Variants in WIPF3 observed in about 807,000 individuals in gnomAD.
The protein encoded by WIPF3 is WAS/WASL interacting protein family member 3.
A neutral mutation model predicts 38.9 loss-of-function variants in WIPF3; 33 were observed. The observed-to-expected ratio is 0.85, with a 90% CI of 0.64 to 1.14. The LOEUF (loss-of-function observed/expected upper bound fraction) is 1.14, where lower values mean the gene tolerates loss of function less well. Ranked by LOEUF, WIPF3 falls within the 50% of genes most tolerant of loss-of-function variation. The pLI, the probability that WIPF3 is intolerant of heterozygous loss-of-function variation, is 0.00. For synonymous variants in WIPF3, 324 were observed against 269.3 expected (o/e 1.20, Z -1.99); for missense variants, 711 against 652.5 (o/e 1.09, Z -0.98).
At position 29,844,111 on chromosome 7, in the gene WIPF3, A is replaced by G. The variant is rs1341027564; in HGVS notation, c.90+9297A>G. 6.6e-6 allele frequency among the ~76,000 whole-genome samples: 1 copy of G among 152,160 alleles called. No homozygotes were observed. Among genetic ancestry groups the G allele is most frequent in the East Asian group, 1.9e-4 (1 of 5,152 alleles). On this transcript the variant is annotated intron_variant, in intron 2 of 8. Coordinates refer to ENST00000242140, the MANE Select transcript of WIPF3 (RefSeq NM_001080529.3). This position sits in a 1 kb window ranked among gnomAD's most constrained non-coding sequence, Gnocchi z 4.8. ...TGTAGTCCCAATTACGTAAAAGAAA[A>G]CTGTGTGTGCACAGGCTTGCCTATG...
In WIPF3 at chr7:29,817,938, T is replaced by C. The variant is rs944478316; in HGVS notation, c.-58+11260T>C. 2.6e-5 allele frequency among the ~76,000 whole-genome samples: 4 copies of C among 152,216 alleles called. No individual in the cohort carries two copies. In the East Asian group the frequency reaches 7.7e-4, roughly 29 times the overall value. On this transcript the variant is annotated intron_variant, in intron 1 of 8. Transcript: ENST00000242140. ...TTCCTACCCAAGACTATAGTGTGTT[T>C]TTCCACGTCTTCACTGTTTCTCAGT... is the stretch of plus-strand genomic sequence containing the variant.
At chr7:29,907,683 C>G (rs957420517) in intron 8 of WIPF3, among the ~76,000 whole-genome samples, 7 of 152,216 alleles carry the variant, frequency 4.6e-5, no homozygotes, top group African/African-American at 1.7e-4. Flanking sequence ...AAGGCACCAT[C>G]TAGCAGACAG....
At chr7:29,908,960 C>T (rs1786454066) in intron 8 of WIPF3, among the ~76,000 whole-genome samples, 1 of 147,774 alleles carries the variant, frequency 6.8e-6, no homozygotes, top group African/African-American at 2.5e-5. Flanking sequence ...TTTCCTAGCA[C>T]AGTGGAATAA....
chr7:29,898,620 C>T (rs1192079887), intron 7 of WIPF3, among the ~76,000 whole-genome samples: 1 of 152,176 alleles, frequency 6.6e-6, no homozygotes, highest in Non-Finnish European at 1.5e-5. Flanking sequence ...TCTCCTCCTA[C>T]CTCATTGTGC....
chr7:29,884,095 G>A lies in WIPF3; in HGVS notation c.601G>A (p.Val201Met), dbSNP rs1192429579. The A allele has an allele frequency of 7.0e-7, 1 of 1,431,616 alleles. No homozygotes were observed. Among genetic ancestry groups the A allele is most frequent in the Admixed American group, 2.5e-5 (1 of 39,454 alleles). 88.7% of individuals were successfully genotyped at this position (1,431,616 alleles called of 1,614,324 possible). The change falls in exon 5 of 9, where the codon GTG becomes ATG. Residue 201 changes from valine to methionine, a missense_variant. Val to Met is a conservative substitution (Grantham distance 21). Transcript: ENST00000242140. ...TTCCTCCCCCATCAAAACTCCGCTT[G>A]TGTCCCCACCCGGCCCACTGACCAA... ...PSSSPIKTPLVSPPGPLTKGN... is the reference protein window; with the variant it reads ...PSSSPIKTPLMSPPGPLTKGN...
At chr7:29,906,393 A>T (rs900762347) in intron 8 of WIPF3, among the ~76,000 whole-genome samples, 2 of 152,214 alleles carry the variant, frequency 1.3e-5, no homozygotes, top group Non-Finnish European at 1.5e-5. Context: ...AAATGAAATG[A>T]AAAATTTACT....
At chr7:29,854,773 A>AC (rs1164856890) in intron 2 of WIPF3, among the ~76,000 whole-genome samples, 1 of 152,094 alleles carries the variant, frequency 6.6e-6, no homozygotes, top group Non-Finnish European at 1.5e-5. Flanking sequence ...CGAAATCCTA[A>AC]CCCCCAGTGC....
intron 5 of WIPF3, among the ~76,000 whole-genome samples, chr7:29,886,733 C>T (rs1004139487): frequency 2.6e-5 from 4 of 152,144 alleles, no homozygotes; most frequent in East Asian, 1.9e-4. Context: ...TGGAAACTCA[C>T]ACCACTTGGG....
intron 5 of WIPF3, among the ~76,000 whole-genome samples, chr7:29,884,905 G>A (rs1207651715): frequency 6.6e-6 from 1 of 152,194 alleles, no homozygotes; most frequent in African/African-American, 2.4e-5. Context: ...GAGTTCTTAG[G>A]TTTGAGGTGC....
chr7:29,874,684 T>G (rs1490498453), intron 2 of WIPF3, among the ~76,000 whole-genome samples: 2 of 152,160 alleles, frequency 1.3e-5, no homozygotes, highest in Admixed American at 6.5e-5. Flanking sequence ...GGGCAACCCC[T>G]TCCCTCCTTT....
Position 29,884,142 on chromosome 7 carries a change from A to AC in WIPF3, c.654dup (p.Val219ArgfsTer26), listed in dbSNP as rs755240227. On this transcript the variant is annotated frameshift_variant, in exon 5 of 9. Coordinates refer to ENST00000242140, the MANE Select transcript of WIPF3 (RefSeq NM_001080529.3). LOFTEE classifies it high-confidence loss of function. ...CCAAAGGGAACCTCCCGGTGGTTGCACCCCCCGTCCCCTGTGCGCCACCAC... is the reference window on the plus strand; with the variant it reads ...CCAAAGGGAACCTCCCGGTGGTTGCACCCCCCCGTCCCCTGTGCGCCACCAC... 2.5e-5 allele frequency: 37 copies of AC among 1,465,934 alleles called. No individual in the cohort carries two copies. Among genetic ancestry groups the AC allele is most frequent in the Non-Finnish European group, 3.1e-5 (34 of 1,106,348 alleles). 90.8% of individuals were successfully genotyped at this position (1,465,934 alleles called of 1,614,324 possible).
At chr7:29,904,963 T>C (rs1172309473) in intron 8 of WIPF3, 1 of 152,468 alleles carries the variant, frequency 6.6e-6, no homozygotes, top group African/African-American at 2.4e-5. Flanking sequence ...TCCCTGCACA[T>C]GACAGGGTCT....
chr7:29,815,033 C>T (rs984867440), intron 1 of WIPF3, among the ~76,000 whole-genome samples: 1 of 152,150 alleles, frequency 6.6e-6, no homozygotes, highest in Non-Finnish European at 1.5e-5. Flanking sequence ...TTTAAGTCTC[C>T]GATGTCCCTT....
chr7:29,882,757 G>C (rs1405547703), intron 4 of WIPF3, among the ~76,000 whole-genome samples: 6 of 152,220 alleles, frequency 3.9e-5, no homozygotes, highest in African/African-American at 1.2e-4. Flanking sequence ...CCAGGAAGTA[G>C]TGGGTGTGAG....
intron 2 of WIPF3, among the ~76,000 whole-genome samples, chr7:29,846,533 T>C (rs778300042): frequency 2.0e-5 from 3 of 152,210 alleles, no homozygotes; most frequent in Non-Finnish European, 2.9e-5. Flanking sequence ...AAACCCGATC[T>C]CTACTAAAAA....
chr7:29,876,605 G>A (rs997630750), intron 3 of WIPF3, among the ~76,000 whole-genome samples: 1 of 152,276 alleles, frequency 6.6e-6, no homozygotes, highest in African/African-American at 2.4e-5. Flanking sequence ...GACACACCAC[G>A]TTTTGTGTAT....
chr7:29,870,718 G>A (rs1001610178), intron 2 of WIPF3, among the ~76,000 whole-genome samples: 1 of 152,182 alleles, frequency 6.6e-6, no homozygotes. Context: ...TGTGCTCCAG[G>A]TAACAGTCAC....
intron 1 of WIPF3, among the ~76,000 whole-genome samples, chr7:29,828,742 A>T (rs1270660736): frequency 6.6e-6 from 1 of 152,090 alleles, no homozygotes; most frequent in Non-Finnish European, 1.5e-5. Context: ...CCCACCTCTG[A>T]GTGGGTGGTC....
Position 29,884,104 on chromosome 7 carries a change from C to T in WIPF3, c.610C>T (p.Pro204Ser). The T allele has an allele frequency of 6.6e-7, 1 of 1,516,184 alleles. No individual in the cohort carries two copies. The highest frequency in any genetic ancestry group is 8.9e-7 in the Non-Finnish European group (1 of 1,128,674). The allele number at this position is 1,516,184 out of a possible 1,614,324, so 93.9% of individuals were successfully genotyped here. Reference sequence around the variant, plus strand: ...CATCAAAACTCCGCTTGTGTCCCCACCCGGCCCACTGACCAAAGGGAACCT... The same window carrying T: ...CATCAAAACTCCGCTTGTGTCCCCATCCGGCCCACTGACCAAAGGGAACCT... ...SPIKTPLVSP[P>S]GPLTKGNLPV... Residue 204 changes from proline (P) to serine (S), a missense_variant, in exon 5 of 9, where the codon CCC becomes TCC. Physicochemically the swap from Pro to Ser is moderately conservative, Grantham distance 74 (BLOSUM62 -1). Transcript: ENST00000242140.
Sources: gnomAD v4.1 joint callset for allele counts (sites outside exome capture counted in the v4.1 genomes callset) on GRCh38, gnomAD v4.1.1 for gene constraint, Gnocchi (gnomAD v3.1) non-coding constraint, MANE v1.5 for transcripts, NCBI Gene and HGNC (gene_info 2026-07-23, HGNC 2026-07-21) for gene names.